Variants in LYRM4 observed in about 807,000 individuals in gnomAD.
LYRM4 encodes the protein LYR motif containing 4.
A neutral mutation model predicts 11.7 loss-of-function variants in LYRM4; 9 were observed. The observed-to-expected ratio is 0.77, with a 90% confidence interval of 0.46 to 1.34. LYRM4 has a LOEUF of 1.34. Among genes scored for constraint, LYRM4 ranks in the 40% most tolerant of loss-of-function variants. LYRM4 has a pLI of 0.00. For missense variants in LYRM4, 133 were observed against 112.5 expected (o/e 1.18, Z -0.82); for synonymous variants, 42 against 40.4 (o/e 1.04, Z -0.15).
chr6:5,257,873 A>G (rs1764756307), intron 1 of LYRM4, among the ~76,000 whole-genome samples: 1 of 152,230 alleles, frequency 6.6e-6, no homozygotes, highest in South Asian at 2.1e-4. Context: ...AGCATGCTTC[A>G]GAGATGTTTT....
At chr6:5,202,325 T>C (rs1299529479) in intron 2 of LYRM4, among the ~76,000 whole-genome samples, 2 of 152,218 alleles carry the variant, frequency 1.3e-5, no homozygotes, top group Non-Finnish European at 2.9e-5. Context: ...CTGTATTCCA[T>C]GGAAGTCCAG....
Position 5,245,103 on chromosome 6 carries a change from AAAAAAAAAAAATATATATATATAT to A in LYRM4, c.86+15521_86+15544del, listed in dbSNP as rs1421765443. Among the ~76,000 whole-genome samples, 104 of 58,400 alleles carry A rather than the reference AAAAAAAAAAAATATATATATATAT, an allele frequency of 1.8e-3. 3 individuals are homozygous for A. The highest frequency in any genetic ancestry group is 4.9e-3 in the African/African-American group (83 of 16,772). The allele number at this position is 58,400 out of a possible 152,430, so 38.3% of individuals were successfully genotyped here. ...CAGGAAGACCTTAAAAAAAAAAAAA[AAAAAAAAAAAATATATATATATAT>A]ATATATATATATATATATATATATA... On this transcript the variant is annotated intron_variant, in intron 1 of 2. Transcript: ENST00000330636.
Position 5,237,157 on chromosome 6 carries a change from C to A in LYRM4, c.87-20419G>T, listed in dbSNP as rs116759791. On this transcript the variant is annotated intron_variant, in intron 1 of 2. Transcript: ENST00000330636. Reference sequence around the variant, plus strand: ...GGGTCCCCAAACCCTTGTCTGTGGCCTATCAGGAACTGGGCTGCACAGCAG... The same window carrying A: ...GGGTCCCCAAACCCTTGTCTGTGGCATATCAGGAACTGGGCTGCACAGCAG... Among the ~76,000 whole-genome samples, 206 of 152,282 alleles carry A rather than the reference C, an allele frequency of 1.4e-3. 1 individual carries two copies. The highest frequency in any genetic ancestry group is 4.5e-3 in the African/African-American group (185 of 41,554).
intron 2 of LYRM4, among the ~76,000 whole-genome samples, chr6:5,137,606 T>C (rs1757170083): frequency 6.6e-6 from 1 of 152,246 alleles, no homozygotes; most frequent in Non-Finnish European, 1.5e-5. Context: ...CTTTAAATAA[T>C]GACTCTGCTA....
intron 2 of LYRM4, chr6:5,138,572 A>G: frequency 3.0e-6 from 1 of 330,600 alleles, no homozygotes; most frequent in Non-Finnish European, 4.7e-6. Context: ...AAGAATAATG[A>G]CTGTTTTTTT....
chr6:5,257,470 G>A (rs1429682303), intron 1 of LYRM4, among the ~76,000 whole-genome samples: 1 of 152,198 alleles, frequency 6.6e-6, no homozygotes, highest in African/African-American at 2.4e-5. Context: ...TTGATAACAG[G>A]TGCCTAGCTT....
intron 2 of LYRM4, among the ~76,000 whole-genome samples, chr6:5,179,792 T>C (rs1759964970): frequency 6.6e-6 from 1 of 152,198 alleles, no homozygotes; most frequent in Admixed American, 6.5e-5. Context: ...AGAAGTGTAA[T>C]TGTTGCATCC....
At chr6:5,127,017 T>C (rs1425367975) in intron 2 of LYRM4, among the ~76,000 whole-genome samples, 1 of 152,230 alleles carries the variant, frequency 6.6e-6, no homozygotes, top group Admixed American at 6.5e-5. Context: ...TGGCACGATC[T>C]TGGCTCACTG....
At chr6:5,239,115 G>T (rs531922648) in intron 1 of LYRM4, among the ~76,000 whole-genome samples, 2 of 152,224 alleles carry the variant, frequency 1.3e-5, no homozygotes, top group Non-Finnish European at 2.9e-5. Flanking sequence ...CCCGGAGGGG[G>T]CTGTACAAAA....
intron 1 of LYRM4, among the ~76,000 whole-genome samples, chr6:5,230,783 T>C (rs927028727): frequency 2.0e-5 from 3 of 152,094 alleles, no homozygotes; most frequent in African/African-American, 7.2e-5. Flanking sequence ...CCAACAGCTA[T>C]TAGTCACTGG....
intron 1 of LYRM4, among the ~76,000 whole-genome samples, 166 bp from the exon 2 acceptor site, chr6:5,216,904 G>T (rs893359536): frequency 4.6e-5 from 7 of 152,108 alleles, no homozygotes; most frequent in African/African-American, 1.4e-4. Flanking sequence ...TACCATTCTG[G>T]GATGACTAAG....
the LYRM4 span, chr6:5,085,936 G>A: frequency 4.0e-5 from 61 of 1,527,788 alleles, no homozygotes; most frequent in African/African-American, 7.8e-4. Flanking sequence ...CTTCAGCGAG[G>A]CGGAGGAGCC....
chr6:5,082,338 G>A, the LYRM4 span, among the ~76,000 whole-genome samples: 1 of 152,226 alleles, frequency 6.6e-6, no homozygotes, highest in South Asian at 2.1e-4. Flanking sequence ...ACCACTTGGT[G>A]TTGGTAAGAA....
At chr6:5,071,329 G>C in the LYRM4 span, among the ~76,000 whole-genome samples, 1 of 152,042 alleles carries the variant, frequency 6.6e-6, no homozygotes, top group Non-Finnish European at 1.5e-5. Flanking sequence ...CATATACAAT[G>C]ATATCTATTT....
In LYRM4 at chr6:5,246,882, T is replaced by C. The variant is rs150140356; in HGVS notation, c.86+13766A>G. On this transcript the variant is annotated intron_variant, in intron 1 of 2. Transcript: ENST00000330636. Reference sequence around the variant, plus strand: ...TTGGGAGTAAACACAGAGGTGGCAATTGAAACCACGGAATGTGATAAAATT... The same window carrying C: ...TTGGGAGTAAACACAGAGGTGGCAACTGAAACCACGGAATGTGATAAAATT... Among the ~76,000 whole-genome samples the C allele has an allele frequency of 2.9e-3, 438 of 151,886 alleles. 4 individuals are homozygous for C. Among genetic ancestry groups the C allele is most frequent in the African/African-American group, 0.01 (422 of 41,428 alleles).
chr6:5,144,782 C>T (rs568525149), intron 2 of LYRM4, among the ~76,000 whole-genome samples: 131 of 152,280 alleles, frequency 8.6e-4, no homozygotes, highest in African/African-American at 3.0e-3. Context: ...AGCTGCAGTG[C>T]GGCGCTCACT....
At chr6:5,115,115 C>G (rs1054971165) in intron 2 of LYRM4, among the ~76,000 whole-genome samples, 2 of 152,296 alleles carry the variant, frequency 1.3e-5, no homozygotes, top group Middle Eastern at 3.4e-3. Context: ...TTTAATCACT[C>G]CCATATGATG....
chr6:5,247,380 T>A (rs1392048494), intron 1 of LYRM4, among the ~76,000 whole-genome samples: 10 of 152,234 alleles, frequency 6.6e-5, no homozygotes, highest in African/African-American at 2.4e-4. Context: ...GGAGAATCCA[T>A]GATCCTTTCT....
chr6:5,078,746 G>A, the LYRM4 span, among the ~76,000 whole-genome samples: 27 of 152,034 alleles, frequency 1.8e-4, no homozygotes, highest in African/African-American at 6.3e-4. Flanking sequence ...GATAAATGGG[G>A]CCTAAGGTGC....
Sources: allele counts gnomAD v4.1 joint callset (sites outside exome capture counted in the v4.1 genomes callset), GRCh38; gene constraint gnomAD v4.1.1; transcripts MANE v1.5; gene names NCBI Gene and HGNC (gene_info 2026-07-23, HGNC 2026-07-21).